UNC5D: variants seen among roughly 807,000 people sequenced by gnomAD.
UNC5D encodes netrin receptor UNC5D.
A neutral mutation model predicts 105.4 loss-of-function variants in UNC5D; 39 were observed. The ratio of observed to expected loss-of-function variants is 0.37; its 90% CI spans 0.29 to 0.48. The LOEUF is 0.48. UNC5D is among the 20% of genes least tolerant of loss of function. The pLI is 0.98. For synonymous variants in UNC5D, 452 were observed against 450.4 expected (o/e 1.00, Z -0.04); for missense variants, 991 against 1,202.4 (o/e 0.82, Z 2.60).
At chr8:35,426,090 T>G (rs1310962055) in intron 1 of UNC5D, among the ~76,000 whole-genome samples, 1 of 152,174 alleles carries the variant, frequency 6.6e-6, no homozygotes, top group Non-Finnish European at 1.5e-5. Context: ...AAAAGGCATA[T>G]TCCTGTAAAT....
intron 1 of UNC5D, among the ~76,000 whole-genome samples, chr8:35,310,164 C>T (rs934185842): frequency 6.6e-6 from 1 of 152,046 alleles, no homozygotes; most frequent in Admixed American, 6.6e-5. Flanking sequence ...ACCTTATTTT[C>T]TAATTTTGTT....
chr8:35,248,793 A>G (rs1195491762), intron 1 of UNC5D, among the ~76,000 whole-genome samples: 2 of 99,170 alleles, frequency 2.0e-5, no homozygotes, highest in East Asian at 3.2e-4. Context: ...AAAATATAAT[A>G]TATAAAAATA....
chr8:35,615,035 G>GCCCCCCCCCCCCCCCCCCCCCCCC (rs1394702258), intron 4 of UNC5D, among the ~76,000 whole-genome samples: 1 of 53,820 alleles, frequency 1.9e-5, no homozygotes, highest in Non-Finnish European at 3.0e-5. Flanking sequence ...CATAGTGAGG[G>GCCCCCCCCCCCCCCCCCCCCCCCC]GCCCCCCCCC....
intron 4 of UNC5D, among the ~76,000 whole-genome samples, chr8:35,612,888 G>T (rs1198560956): frequency 6.6e-6 from 1 of 152,016 alleles, no homozygotes. Flanking sequence ...ACCTAAGATA[G>T]AAGCCCAACA....
chr8:35,483,617 T>C (rs906998279), intron 1 of UNC5D, among the ~76,000 whole-genome samples: 3 of 152,186 alleles, frequency 2.0e-5, no homozygotes, highest in African/African-American at 7.2e-5. Flanking sequence ...AGTAGTATGG[T>C]TCTTTCTCCA....
intron 1 of UNC5D, among the ~76,000 whole-genome samples, chr8:35,298,500 T>C (rs898582994): frequency 6.6e-6 from 1 of 152,032 alleles, no homozygotes; most frequent in Non-Finnish European, 1.5e-5. Flanking sequence ...CAATTTAATG[T>C]CTCAGTATAT....
chr8:35,688,249 A>G (rs1826159970), intron 7 of UNC5D, among the ~76,000 whole-genome samples: 1 of 152,176 alleles, frequency 6.6e-6, no homozygotes, highest in African/African-American at 2.4e-5. Flanking sequence ...CCAGCAAAAA[A>G]AAAAAAAAGA....
At chr8:35,547,799 C>T (rs1208771155) in intron 1 of UNC5D, among the ~76,000 whole-genome samples, 1 of 152,050 alleles carries the variant, frequency 6.6e-6, no homozygotes, top group African/African-American at 2.4e-5. Context: ...GTGCATTAGT[C>T]AGGGTTCTCT....
intron 1 of UNC5D, among the ~76,000 whole-genome samples, chr8:35,334,754 T>C (rs911926209): frequency 2.6e-5 from 4 of 152,160 alleles, no homozygotes. Flanking sequence ...CCTCAGATGA[T>C]GCACCCACCT....
intron 7 of UNC5D, among the ~76,000 whole-genome samples, chr8:35,696,467 C>T (rs535792260): frequency 8.6e-5 from 13 of 151,838 alleles, no homozygotes; most frequent in South Asian, 8.3e-4. Flanking sequence ...CACAAAACCC[C>T]GGGTAAGAAA....
intron 1 of UNC5D, among the ~76,000 whole-genome samples, chr8:35,514,264 C>G (rs147018873): frequency 6.6e-6 from 1 of 152,318 alleles, no homozygotes; most frequent in Non-Finnish European, 1.5e-5. Flanking sequence ...CCTTCTCTCC[C>G]TCATTAACTT....
intron 13 of UNC5D, among the ~76,000 whole-genome samples, chr8:35,753,948 G>T (rs1830400573): frequency 6.6e-6 from 1 of 152,122 alleles, no homozygotes; most frequent in Admixed American, 6.5e-5. Flanking sequence ...TTTTTACTTT[G>T]CTAAGTGAAT....
At chr8:35,586,693 G>A (rs559927582) in intron 3 of UNC5D, among the ~76,000 whole-genome samples, 2 of 152,110 alleles carry the variant, frequency 1.3e-5, no homozygotes, top group Non-Finnish European at 2.9e-5. Flanking sequence ...CAATGTAGCT[G>A]GACAACTAAT....
At chr8:35,657,086 A>G (rs879306373) in intron 4 of UNC5D, among the ~76,000 whole-genome samples, 3,371 of 65,244 alleles carry the variant, frequency 0.052, 20 homozygotes, top group Non-Finnish European at 0.068. Context: ...GTGTGTATAT[A>G]TATATATATA....
intron 1 of UNC5D, among the ~76,000 whole-genome samples, chr8:35,467,589 A>AGG (rs1554537850): frequency 1.6e-5 from 2 of 126,250 alleles, no homozygotes; most frequent in African/African-American, 5.6e-5. Flanking sequence ...AAAAAAAAAA[A>AGG]AAGAAGAAAA....
chr8:35,291,996 C>T (rs569930735), intron 1 of UNC5D, among the ~76,000 whole-genome samples: 89 of 152,302 alleles, frequency 5.8e-4, no homozygotes, highest in African/African-American at 2.1e-3. Flanking sequence ...TGGTTTTCTT[C>T]TAGGTTTCTT....
At chr8:35,625,553 A>T (rs1821655049) in intron 4 of UNC5D, among the ~76,000 whole-genome samples, 1 of 152,222 alleles carries the variant, frequency 6.6e-6, no homozygotes, top group African/African-American at 2.4e-5. Flanking sequence ...ATACTGTAAA[A>T]TGTAATGTGG....
chr8:35,523,554 A>T (rs1368368906), intron 1 of UNC5D, among the ~76,000 whole-genome samples: 1 of 147,506 alleles, frequency 6.8e-6, no homozygotes, highest in Non-Finnish European at 1.5e-5. Flanking sequence ...TTCCATTTGT[A>T]TCCTCTGAAA....
intron 11 of UNC5D, among the ~76,000 whole-genome samples, chr8:35,745,514 G>C (rs889184177): frequency 6.6e-6 from 1 of 152,196 alleles, no homozygotes; most frequent in Non-Finnish European, 1.5e-5. Context: ...CTAAGGCATT[G>C]AGAATTTAAG....
Sources: allele counts gnomAD v4.1 joint callset (sites outside exome capture counted in the v4.1 genomes callset), GRCh38; gene constraint gnomAD v4.1.1; transcripts MANE v1.5; gene names NCBI Gene and HGNC (gene_info 2026-07-23, HGNC 2026-07-21).